The following ZFHX3 variants were observed in gnomAD, a reference collection of about 807,000 sequenced individuals.
ZFHX3 encodes the protein zinc finger homeobox protein 3.
In ZFHX3, 42 loss-of-function variants were observed where a neutral mutation model predicts 279.1. That is an observed-to-expected ratio of 0.15 (90% confidence interval 0.12 to 0.19). The LOEUF is 0.19. ZFHX3 is among the 10% of genes least tolerant of loss of function. The probability of loss-of-function intolerance (pLI) is 1.00; values close to 1 mark genes in which losing one functional copy is unlikely to be tolerated. For synonymous variants in ZFHX3, 2,293 were observed against 1,957.8 expected (o/e 1.17, Z -4.52); for missense variants, 4,981 against 4,754.0 (o/e 1.05, Z -1.40).
At chr16:73,890,241 A>AAAAAAAAAAAAAC (rs1491091068) in intron 1 of ZFHX3, among the ~76,000 whole-genome samples, 14 of 31,480 alleles carry the variant, frequency 4.4e-4, no homozygotes, top group Admixed American at 1.1e-3. Context: ...AAAAAAAACC[A>AAAAAAAAAAAAAC]AAAAAAAAAA....
chr16:73,743,863 G>A (rs1365356086), intron 1 of ZFHX3, among the ~76,000 whole-genome samples: 2 of 152,052 alleles, frequency 1.3e-5, no homozygotes, highest in East Asian at 3.9e-4. Flanking sequence ...TCTAGGGGGC[G>A]CCATGCATCT....
At chr16:73,213,889 C>G (rs986595468) in intron 5 of ZFHX3, among the ~76,000 whole-genome samples, 25 of 152,196 alleles carry the variant, frequency 1.6e-4, no homozygotes, top group African/African-American at 6.0e-4. Flanking sequence ...CTATTCCTTC[C>G]ATAAGCTGCT....
intron 3 of ZFHX3, among the ~76,000 whole-genome samples, chr16:73,419,761 T>C (rs2017678515): frequency 6.6e-6 from 1 of 152,036 alleles, no homozygotes; most frequent in African/African-American, 2.4e-5. Flanking sequence ...GCTATGTGAT[T>C]TCTTCATTCA....
intron 2 of ZFHX3, among the ~76,000 whole-genome samples, chr16:73,489,504 C>A (rs1464613574): frequency 6.6e-6 from 1 of 152,132 alleles, no homozygotes. Context: ...TGGAATAATT[C>A]AGCAATTAAC....
intron 1 of ZFHX3, among the ~76,000 whole-genome samples, chr16:72,991,347 T>C (rs1289462486): frequency 6.6e-6 from 1 of 152,234 alleles, no homozygotes; most frequent in Non-Finnish European, 1.5e-5. Flanking sequence ...CTCTCAGACA[T>C]TCCACTAAGT....
intron 1 of ZFHX3, among the ~76,000 whole-genome samples, chr16:73,750,929 G>C (rs541713122): frequency 1.5e-4 from 23 of 152,298 alleles, no homozygotes; most frequent in African/African-American, 5.3e-4. Context: ...AAGGGACTAT[G>C]ATAACCATCT....
chr16:73,619,249 G>A (rs1337307324), intron 2 of ZFHX3, among the ~76,000 whole-genome samples: 4 of 152,074 alleles, frequency 2.6e-5, no homozygotes, highest in Non-Finnish European at 4.4e-5. Context: ...AGCACTTCGG[G>A]AGGCTGAGGC....
At position 72,787,529 on chromosome 16, in the gene ZFHX3, T is replaced by A; in HGVS notation, c.10747A>T (p.Thr3583Ser). 1.2e-6 allele frequency: 2 copies of A among 1,613,770 alleles called. No homozygotes were observed. Among genetic ancestry groups the A allele is most frequent in the Non-Finnish European group, 1.7e-6 (2 of 1,179,918 alleles). ...PHSACFPDPS[T>S]ASTSQSAAHS... Reference sequence around the variant, plus strand: ...GCGGCAGACTGCGAGGTAGATGCGGTGCTAGGATCGGGGAAGCAGGCAGAG... The same window carrying A: ...GCGGCAGACTGCGAGGTAGATGCGGAGCTAGGATCGGGGAAGCAGGCAGAG... Residue 3583 changes from threonine to serine, a missense_variant, in exon 10 of 10, where the codon ACC (threonine) becomes TCC (serine). By Grantham distance (58) the Thr-to-Ser change is moderately conservative. Coordinates refer to ENST00000268489, the MANE Select transcript of ZFHX3 (RefSeq NM_006885.4).
chr16:73,059,799 G>C (rs1965658132), upstream of ZFHX3: 1 of 152,012 alleles, frequency 6.6e-6, no homozygotes, highest in South Asian at 2.1e-4. Context: ...CCATAGACTA[G>C]ACAAAAAATA....
chr16:73,392,832 T>C (rs923817350), intron 3 of ZFHX3, among the ~76,000 whole-genome samples: 1 of 51,492 alleles, frequency 1.9e-5, no homozygotes, highest in Non-Finnish European at 4.9e-5. Flanking sequence ...AGTGTATCTT[T>C]GTTTTTTGTT....
intron 5 of ZFHX3, among the ~76,000 whole-genome samples, chr16:73,220,563 G>A (rs2012379829): frequency 6.6e-6 from 1 of 152,026 alleles, no homozygotes. Context: ...AATAGACCAG[G>A]CACAGTGTGC....
At chr16:73,061,756 T>C (rs1965687300), upstream of ZFHX3, 1 of 152,210 alleles carries the variant, frequency 6.6e-6, no homozygotes, top group Non-Finnish European at 1.5e-5. Context: ...TTCCTCTTTG[T>C]AGATCTTGAA....
At chr16:73,339,459 T>G (rs956111616) in intron 3 of ZFHX3, among the ~76,000 whole-genome samples, 2 of 152,248 alleles carry the variant, frequency 1.3e-5, no homozygotes, top group East Asian at 3.8e-4. Flanking sequence ...CAAATAGTGG[T>G]TAATTGTTCC....
chr16:73,111,458 G>C (rs1462144815), intron 7 of ZFHX3, among the ~76,000 whole-genome samples: 1 of 152,134 alleles, frequency 6.6e-6, no homozygotes, highest in African/African-American at 2.4e-5. Context: ...GGGGGCTCTT[G>C]CTGTCTATAG....
At chr16:73,195,948 A>T (rs1410083898) in intron 5 of ZFHX3, among the ~76,000 whole-genome samples, 1 of 152,162 alleles carries the variant, frequency 6.6e-6, no homozygotes. Flanking sequence ...TACCATCTTT[A>T]TACGTGTATA....
chr16:73,513,824 C>T (rs1044134786), intron 2 of ZFHX3, among the ~76,000 whole-genome samples: 2 of 152,004 alleles, frequency 1.3e-5, no homozygotes, highest in Non-Finnish European at 2.9e-5. Flanking sequence ...GTCTCATGCC[C>T]ACCACAGAGA....
intron 1 of ZFHX3, among the ~76,000 whole-genome samples, chr16:73,858,414 G>A (rs370617046): frequency 5.5e-4 from 84 of 152,268 alleles, no homozygotes; most frequent in African/African-American, 1.3e-3. Context: ...ATTTCCATCC[G>A]TAACAATGGC....
intron 2 of ZFHX3, among the ~76,000 whole-genome samples, chr16:73,540,205 T>C (rs1045258608): frequency 6.6e-6 from 1 of 152,220 alleles, no homozygotes; most frequent in African/African-American, 2.4e-5. Flanking sequence ...GAGGAAAACG[T>C]CTTTAGCAGG....
intron 5 of ZFHX3, among the ~76,000 whole-genome samples, chr16:73,237,040 A>G (rs949069349): frequency 1.6e-4 from 24 of 152,162 alleles, no homozygotes; most frequent in African/African-American, 5.8e-4. Context: ...AATTCTCACT[A>G]CAACCAGTGA....
Sources: allele counts gnomAD v4.1 joint callset (sites outside exome capture counted in the v4.1 genomes callset), GRCh38; gene constraint gnomAD v4.1.1; transcripts MANE v1.5; gene names NCBI Gene and HGNC (gene_info 2026-07-23, HGNC 2026-07-21).